The following ZNF91 variants were observed in gnomAD, a reference collection of about 807,000 sequenced individuals.
The protein encoded by ZNF91 is zinc finger protein 91 (HPF7, HTF10).
ZNF91 carries 7 observed loss-of-function variants against 12.6 expected under a neutral mutation model. The observed-to-expected ratio is 0.55, with a 90% confidence interval of 0.31 to 1.04. The LOEUF (loss-of-function observed/expected upper bound fraction) is 1.04. Ranked by LOEUF, ZNF91 falls within the 50% of genes least tolerant of loss-of-function variation. ZNF91 has a pLI of 0.05. For missense variants in ZNF91, 1,217 were observed against 1,385.4 expected (o/e 0.88, Z 1.93); for synonymous variants, 453 against 462.6 (o/e 0.98, Z 0.27).
At position 23,362,245 on chromosome 19, in the gene ZNF91, T is replaced by C. The variant is rs368958378; in HGVS notation, c.734A>G (p.Lys245Arg). The change falls in exon 4 of 4, where the codon AAA (lysine) becomes AGA (arginine). Residue 245 changes from lysine (K) to arginine (R), a missense_variant. Physicochemically the swap from Lys to Arg is conservative, Grantham distance 26. This residue lies in a region of ZNF91 where 726 missense variants were observed against 895.5 expected (regional missense o/e 0.81). Coordinates refer to ENST00000300619, the MANE Select transcript of ZNF91 (RefSeq NM_003430.4). ...DKPYKCEECG[K>R]AFKQLSTLTT... ...AAGGGTTGAGAGCTGCTTAAAAGCT[T>C]TGCCACATTCTTCACATTTGTAGGG... The C allele has an allele frequency of 3.1e-6, 5 of 1,614,004 alleles. No individual in the cohort carries two copies. In the African/African-American group the frequency reaches 5.3e-5, roughly 17 times the overall value.
intron 1 of ZNF91, among the ~76,000 whole-genome samples, chr19:23,332,715 T>C (rs916628925): frequency 6.6e-6 from 1 of 152,194 alleles, no homozygotes. Context: ...ACCTAATATT[T>C]GACGACATAA....
chr19:23,331,243 A>G (rs937201067), intron 1 of ZNF91, among the ~76,000 whole-genome samples: 1 of 151,954 alleles, frequency 6.6e-6, no homozygotes, highest in Non-Finnish European at 1.5e-5. Context: ...GACTAAGTGA[A>G]TGAAAGTTGA....
intron 1 of ZNF91, among the ~76,000 whole-genome samples, chr19:23,323,680 CTCT>C (rs374859697): frequency 0.085 from 11,370 of 133,498 alleles, 595 homozygotes; most frequent in African/African-American, 0.15. Flanking sequence ...TCTCCTCCTC[CTCT>C]ACTTCTCCTT....
downstream of ZNF91, among the ~76,000 whole-genome samples, chr19:23,337,332 ATATATGTGTGTGTG>A (rs1170174870): frequency 2.4e-4 from 36 of 151,834 alleles, no homozygotes; most frequent in Admixed American, 2.4e-3. Flanking sequence ...AGACATGTAT[ATATATGTGTGTGTG>A]TATGTGTGTG....
intron 3 of ZNF91, among the ~76,000 whole-genome samples, chr19:23,369,245 G>C (rs1969158220): frequency 6.6e-6 from 1 of 152,092 alleles, no homozygotes; most frequent in South Asian, 2.1e-4. Context: ...AGGAGGCAGA[G>C]GTTGGAGTGT....
intron 1 of ZNF91, among the ~76,000 whole-genome samples, chr19:23,331,567 G>A (rs925841126): frequency 1.3e-5 from 2 of 152,188 alleles, no homozygotes; most frequent in African/African-American, 2.4e-5. Context: ...TCTTGTGACA[G>A]TAAGTGCTGA....
At chr19:23,386,577 T>C (rs1487641949) in intron 1 of ZNF91, among the ~76,000 whole-genome samples, 2 of 152,160 alleles carry the variant, frequency 1.3e-5, no homozygotes, top group Non-Finnish European at 2.9e-5. Flanking sequence ...ATTTAATAAA[T>C]GGTTGTGGAA....
chr19:23,350,018 G>A (rs928280962), intron 3 of ZNF91, among the ~76,000 whole-genome samples: 1 of 152,124 alleles, frequency 6.6e-6, no homozygotes, highest in East Asian at 1.9e-4. Flanking sequence ...ACTACAGGGG[G>A]TTCTAGAGAT....
intron 3 of ZNF91, among the ~76,000 whole-genome samples, chr19:23,367,092 A>G (rs1969047888): frequency 2.6e-5 from 4 of 152,260 alleles, no homozygotes; most frequent in Admixed American, 2.6e-4. Context: ...TAAAAGTTTC[A>G]GGCCAGCCTG....
chr19:23,366,122 C>A (rs1969003024), intron 3 of ZNF91, among the ~76,000 whole-genome samples: 1 of 152,066 alleles, frequency 6.6e-6, no homozygotes, highest in South Asian at 2.1e-4. Context: ...CAGAGGGGCT[C>A]CTCGCTTCCC....
At chr19:23,352,820 A>G (rs577272385), downstream of ZNF91, among the ~76,000 whole-genome samples, 2 of 152,356 alleles carry the variant, frequency 1.3e-5, no homozygotes, top group South Asian at 4.1e-4. Context: ...CTTATACCAG[A>G]CAAAACCAAC....
chr19:23,349,058 C>G (rs1194211033), intron 3 of ZNF91, among the ~76,000 whole-genome samples: 1 of 152,060 alleles, frequency 6.6e-6, no homozygotes. Flanking sequence ...GCTCTTGAAC[C>G]CTGTTTCCTG....
chr19:23,344,897 T>C (rs1968191256), intron 3 of ZNF91, among the ~76,000 whole-genome samples: 1 of 152,210 alleles, frequency 6.6e-6, no homozygotes, highest in African/African-American at 2.4e-5. Context: ...AGGGAGGCCA[T>C]CTGGGTACAG....
downstream of ZNF91, among the ~76,000 whole-genome samples, chr19:23,353,979 G>C (rs1332789801): frequency 3.9e-5 from 6 of 152,052 alleles, no homozygotes; most frequent in Non-Finnish European, 8.8e-5. Flanking sequence ...AAAAAGTCCA[G>C]GACCAGATGG....
intron 3 of ZNF91, among the ~76,000 whole-genome samples, chr19:23,340,776 A>G (rs1015716600): frequency 6.8e-6 from 1 of 147,594 alleles, no homozygotes; most frequent in Non-Finnish European, 1.5e-5. Flanking sequence ...AGACAAATGG[A>G]AATCAAACTA....
At position 23,360,743 on chromosome 19, in the gene ZNF91, C is replaced by G. The variant is rs1968705609; in HGVS notation, c.2236G>C (p.Glu746Gln). ...HTGEKPYKCEECGKAFNWSSS... is the reference protein window; with the variant it reads ...HTGEKPYKCEQCGKAFNWSSS... ...GACCAGTTAAATGCTTTGCCACATTCTTCACACTTGTAAGGTTTCTCTCCA... is the reference window on the plus strand; with the variant it reads ...GACCAGTTAAATGCTTTGCCACATTGTTCACACTTGTAAGGTTTCTCTCCA... The change falls in exon 4 of 4, where the codon GAA becomes CAA. Residue 746 changes from glutamate to glutamine, a missense_variant. Around this residue, in one of 2 missense-constraint regions of ZNF91, gnomAD observed 726 missense variants for 895.5 expected, o/e 0.81. Transcript: ENST00000300619. The G allele has an allele frequency of 6.2e-7, 1 of 1,613,608 alleles. No individual in the cohort carries two copies. The highest frequency in any genetic ancestry group is 1.7e-5 in the Admixed American group (1 of 59,950).
At chr19:23,394,686 C>T (rs1970172852) in intron 1 of ZNF91, among the ~76,000 whole-genome samples, 1 of 152,052 alleles carries the variant, frequency 6.6e-6, no homozygotes, top group African/African-American at 2.4e-5. Flanking sequence ...CGAGATCACG[C>T]CACTGCACTC....
chr19:23,337,164 G>A (rs1968027326), downstream of ZNF91, among the ~76,000 whole-genome samples: 7 of 151,884 alleles, frequency 4.6e-5, no homozygotes, highest in Admixed American at 3.9e-4. Context: ...TGTCAGGTGT[G>A]CTGGCCCTCA....
chr19:23,382,049 C>CAAAAAAAAAAAAAAAAAAAAAAAAAAAAA (rs60814223), intron 1 of ZNF91, among the ~76,000 whole-genome samples: 1 of 79,402 alleles, frequency 1.3e-5, no homozygotes, highest in African/African-American at 4.1e-5. Flanking sequence ...AATCCTGAGA[C>CAAAAAAAAAAAAAAAAAAAAAAAAAAAAA]AAAAAAAAAA....
Sources: gnomAD v4.1 joint callset for allele counts (sites outside exome capture counted in the v4.1 genomes callset) on GRCh38, gnomAD v4.1.1 for gene constraint, gnomAD v4.1.1 regional missense constraint, MANE v1.5 for transcripts, NCBI Gene and HGNC (gene_info 2026-07-23, HGNC 2026-07-21) for gene names.